The following RGMA variants were observed in gnomAD, a reference collection of about 807,000 sequenced individuals.
RGMA encodes the protein repulsive guidance molecule A.
In RGMA, 10 loss-of-function variants were observed where a neutral mutation model predicts 23.2. That is an observed-to-expected ratio of 0.43 (90% CI 0.27 to 0.73). The LOEUF (loss-of-function observed/expected upper bound fraction) is 0.73, where lower values mean the gene tolerates loss of function less well. Ranked by LOEUF, RGMA falls within the 30% of genes least tolerant of loss-of-function variation. The pLI is 0.20. For missense variants in RGMA, 547 were observed against 630.5 expected, an observed-to-expected ratio of 0.87 and a Z score of 1.42; for synonymous variants, 308 against 279.3, an observed-to-expected ratio of 1.10 and a Z score of -1.03.
At chr15:93,058,965 C>T (rs922894181) in intron 2 of RGMA, among the ~76,000 whole-genome samples, 5 of 152,130 alleles carry the variant, frequency 3.3e-5, no homozygotes, top group South Asian at 2.1e-4. Flanking sequence ...AAATAGCCTG[C>T]GCTCCCGGGG....
At chr15:93,073,169 G>T in intron 1 of RGMA, 138 bp from the exon 2 acceptor site, 1 of 1,238,878 alleles carries the variant, frequency 8.1e-7, no homozygotes, top group Non-Finnish European at 1.0e-6. Flanking sequence ...TCCCCTTCCC[G>T]CGCCGCCCCC....
intron 1 of RGMA, among the ~76,000 whole-genome samples, chr15:93,079,953 C>T (rs533963622): frequency 5.9e-5 from 9 of 152,288 alleles, no homozygotes; most frequent in African/African-American, 1.7e-4. Context: ...CTGCCATCTT[C>T]ATTATCTGAG....
intron 2 of RGMA, among the ~76,000 whole-genome samples, chr15:93,052,880 G>A (rs1185974686): frequency 1.3e-5 from 2 of 152,170 alleles, no homozygotes; most frequent in African/African-American, 2.4e-5. Context: ...TTTGGCTAAA[G>A]CAACAGGAAT....
intron 1 of RGMA, among the ~76,000 whole-genome samples, chr15:93,085,258 G>A (rs995281378): frequency 7.2e-5 from 11 of 152,122 alleles, no homozygotes; most frequent in East Asian, 1.9e-4. Flanking sequence ...CACAACAGAC[G>A]GTAACTACTA....
Position 93,072,979 on chromosome 15 carries a change from C to G in RGMA, c.67G>C (p.Ala23Pro). ...CAGAATCCCAGGGCTGAACGTCCTG[C>G]CCCTCTCCCCATACCCATCCATCCA... ...RAGWMGMGRGAGRSALGFWPT... is the reference protein window; with the variant it reads ...RAGWMGMGRGPGRSALGFWPT... Residue 23 changes from alanine (A) to proline (P), a missense_variant, in exon 2 of 4, where the codon GCA becomes CCA. Around this residue, in one of 3 missense-constraint regions of RGMA, gnomAD observed 214 missense variants for 234.7 expected, o/e 0.91. Coordinates refer to ENST00000329082, the MANE Select transcript of RGMA (RefSeq NM_020211.3). 1 of 1,611,630 alleles carries G rather than the reference C, an allele frequency of 6.2e-7. No individual in the cohort carries two copies. Among genetic ancestry groups the G allele is most frequent in the African/African-American group, 1.3e-5 (1 of 74,920 alleles).
intron 1 of RGMA, among the ~76,000 whole-genome samples, chr15:93,087,127 T>TA (rs1424607617): frequency 6.6e-6 from 1 of 152,154 alleles, no homozygotes; most frequent in Non-Finnish European, 1.5e-5. Flanking sequence ...AAAAGGAGGC[T>TA]AAGACCTCTT....
chr15:93,046,639 A>C (rs1312330000), intron 3 of RGMA, among the ~76,000 whole-genome samples: 1 of 152,182 alleles, frequency 6.6e-6, no homozygotes, highest in Admixed American at 6.5e-5. Context: ...TCAAAGAAAG[A>C]ATGAATAGGG....
rs1399951624 is a variant in RGMA, at chr15:93,036,101, T to C, written c.*8897A>G. ...TTACACGTGTAATCACACATGTGAC[T>C]CGGTTAGTGTCTGTCTCTCACCACT... On this transcript the variant is annotated 3_prime_UTR_variant, in exon 4 of 4. Coordinates refer to ENST00000329082, the MANE Select transcript of RGMA (RefSeq NM_020211.3). 6.6e-6 allele frequency: 1 copy of C among 152,242 alleles called. No homozygotes were observed. The highest frequency in any genetic ancestry group is 1.5e-5 in the Non-Finnish European group (1 of 68,044). 9.4% of individuals were successfully genotyped at this position (152,242 alleles called of 1,614,324 possible).
intron 1 of RGMA, among the ~76,000 whole-genome samples, chr15:93,076,800 C>T (rs1371527460): frequency 2.0e-5 from 3 of 152,154 alleles, no homozygotes; most frequent in Non-Finnish European, 2.9e-5. Context: ...CCAAGCTGGC[C>T]GAACCCCATG....
intron 2 of RGMA, among the ~76,000 whole-genome samples, chr15:93,070,811 G>T (rs547639698): frequency 6.6e-6 from 1 of 152,330 alleles, no homozygotes; most frequent in African/African-American, 2.4e-5. Context: ...CGGCCTTGAC[G>T]CCAAAAAGAA....
At chr15:93,082,266 G>A (rs1895570608) in intron 1 of RGMA, among the ~76,000 whole-genome samples, 1 of 152,180 alleles carries the variant, frequency 6.6e-6, no homozygotes, top group South Asian at 2.1e-4. Context: ...GCTCTGCAGA[G>A]TTCTGCAAGG....
chr15:93,040,416 T>G lies in RGMA; in HGVS notation c.*4582A>C, dbSNP rs2054709937. The stretch of plus-strand genomic sequence containing the variant: ...AGTGACAGTGGCTTCCCACCATCCC[T>G]TAAACTCCCCCTTTGCTGCTGCTGC... On this transcript the variant is annotated 3_prime_UTR_variant, in exon 4 of 4. Transcript: ENST00000329082. The G allele has an allele frequency of 6.5e-6, 1 of 152,738 alleles. No homozygotes were observed. The highest frequency in any genetic ancestry group is 2.1e-4 in the South Asian group (1 of 4,840). 9.5% of individuals were successfully genotyped at this position (152,738 alleles called of 1,614,324 possible). A position where few individuals can be genotyped will look rare whatever the true frequency, so the allele number is the denominator to read the frequency against.
chr15:93,067,249 T>G (rs532858291), intron 2 of RGMA, among the ~76,000 whole-genome samples: 64 of 152,012 alleles, frequency 4.2e-4, no homozygotes, highest in African/African-American at 1.5e-3. Context: ...CCAGAAAAAA[T>G]TATTTTGGAA....
intron 3 of RGMA, among the ~76,000 whole-genome samples, chr15:93,050,321 A>G (rs2054897161): frequency 6.6e-6 from 1 of 152,156 alleles, no homozygotes; most frequent in Non-Finnish European, 1.5e-5. Context: ...GGGGCAGGCC[A>G]AAGGTGCCTG....
intron 2 of RGMA, among the ~76,000 whole-genome samples, chr15:93,059,618 T>C (rs1304495971): frequency 6.6e-6 from 1 of 152,132 alleles, no homozygotes; most frequent in Non-Finnish European, 1.5e-5. Flanking sequence ...TGGCCTCATT[T>C]CCCATGCGAG....
chr15:93,085,306 G>A (rs1194680195), intron 1 of RGMA, among the ~76,000 whole-genome samples: 1 of 152,178 alleles, frequency 6.6e-6, no homozygotes. Context: ...GAGTTTTGGG[G>A]CGTTTTTACT....
At chr15:93,088,471 C>T in intron 1 of RGMA, 2 of 987,742 alleles carry the variant, frequency 2.0e-6, no homozygotes, top group Non-Finnish European at 2.4e-6. Flanking sequence ...GCGCCGACAT[C>T]CCCGAGGGCA....
chr15:93,077,852 C>T (rs987710893), intron 1 of RGMA, among the ~76,000 whole-genome samples: 8 of 152,164 alleles, frequency 5.3e-5, no homozygotes, highest in Non-Finnish European at 8.8e-5. Context: ...GGATTACAGG[C>T]ACACGCCACC....
intron 2 of RGMA, among the ~76,000 whole-genome samples, chr15:93,059,249 G>A (rs2055064196): frequency 1.3e-5 from 2 of 152,192 alleles, no homozygotes; most frequent in African/African-American, 4.8e-5. Context: ...GGTCTCCTAT[G>A]CAGCCGCAGA....
Sources: allele counts gnomAD v4.1 joint callset (sites outside exome capture counted in the v4.1 genomes callset), GRCh38; gene constraint gnomAD v4.1.1; regional missense constraint gnomAD v4.1.1; transcripts MANE v1.5; gene names NCBI Gene and HGNC (gene_info 2026-07-23, HGNC 2026-07-21).